The following AGMO variants were observed in gnomAD, a reference collection of about 807,000 sequenced individuals.
AGMO encodes glyceryl-ether monooxygenase.
In AGMO, 75 loss-of-function variants were observed where a neutral mutation model predicts 60.2. The ratio of observed to expected loss-of-function variants is 1.25; its 90% confidence interval spans 1.03 to 1.51. The LOEUF is 1.51. Ranked by LOEUF, AGMO falls within the 40% of genes most tolerant of loss-of-function variation. The probability of loss-of-function intolerance (pLI) is 0.00; values close to 1 mark genes in which losing one functional copy is unlikely to be tolerated. For synonymous variants in AGMO, 261 were observed against 177.1 expected, an observed-to-expected ratio of 1.47 and a Z score of -3.76; for missense variants, 763 against 525.5, an observed-to-expected ratio of 1.45 and a Z score of -4.42.
intron 5 of AGMO, among the ~76,000 whole-genome samples, chr7:15,411,919 G>GATAA (rs1331434509): frequency 2.0e-5 from 3 of 151,942 alleles, no homozygotes; most frequent in African/African-American, 7.2e-5. Context: ...TTGAAGATTA[G>GATAA]ATAAATACTC....
intron 12 of AGMO, among the ~76,000 whole-genome samples, chr7:15,208,014 G>C (rs1280214458): frequency 6.6e-6 from 1 of 152,102 alleles, no homozygotes; most frequent in Non-Finnish European, 1.5e-5. Context: ...AGAAAACTTA[G>C]AGACAACCAA....
intron 3 of AGMO, among the ~76,000 whole-genome samples, chr7:15,508,362 G>A (rs1025247148): frequency 2.6e-5 from 4 of 152,124 alleles, no homozygotes; most frequent in Admixed American, 2.0e-4. Flanking sequence ...ATGGATGCAA[G>A]TTGACATCTG....
chr7:15,354,309 T>TACGCGTGTATACACACGTATATAC (rs1782368790), intron 12 of AGMO, among the ~76,000 whole-genome samples: 1 of 67,298 alleles, frequency 1.5e-5, no homozygotes, highest in Non-Finnish European at 2.6e-5. Flanking sequence ...TATACGTGTA[T>TACGCGTGTATACACACGTATATAC]ACACGCGTGT....
At chr7:15,460,904 TTA>T (rs931213357) in intron 3 of AGMO, among the ~76,000 whole-genome samples, 7 of 152,170 alleles carry the variant, frequency 4.6e-5, no homozygotes, top group Non-Finnish European at 8.8e-5. Flanking sequence ...TAATGATAAA[TTA>T]TGATAGTTAT....
chr7:15,165,595 T>A, the AGMO span, among the ~76,000 whole-genome samples: 1 of 152,096 alleles, frequency 6.6e-6, no homozygotes, highest in Non-Finnish European at 1.5e-5. Flanking sequence ...AAAAACAAGC[T>A]CAAGAATTTT....
the AGMO span, among the ~76,000 whole-genome samples, chr7:15,164,246 G>C: frequency 6.6e-6 from 1 of 152,020 alleles, no homozygotes; most frequent in Non-Finnish European, 1.5e-5. Flanking sequence ...AATTAACTCA[G>C]ATGGGGTGGA....
intron 12 of AGMO, among the ~76,000 whole-genome samples, chr7:15,344,279 C>A (rs965390917): frequency 6.6e-6 from 1 of 152,114 alleles, no homozygotes; most frequent in African/African-American, 2.4e-5. Flanking sequence ...AATGTTTAGT[C>A]TTTTCTCCAA....
intron 2 of AGMO, among the ~76,000 whole-genome samples, chr7:15,559,121 A>G (rs1054149157): frequency 1.3e-5 from 2 of 152,108 alleles, no homozygotes; most frequent in Non-Finnish European, 2.9e-5. Flanking sequence ...TAGGTCATTT[A>G]TATCTTACTA....
intron 3 of AGMO, among the ~76,000 whole-genome samples, chr7:15,434,863 C>A (rs1397509472): frequency 6.7e-6 from 1 of 148,560 alleles, no homozygotes; most frequent in Non-Finnish European, 1.5e-5. Flanking sequence ...CTCACTCCCA[C>A]CCCCACCCCA....
At chr7:15,346,983 T>C (rs1021101324) in intron 12 of AGMO, among the ~76,000 whole-genome samples, 1 of 152,008 alleles carries the variant, frequency 6.6e-6, no homozygotes, top group African/African-American at 2.4e-5. Context: ...TTAAGATGAA[T>C]CAAACTTTAA....
At chr7:15,272,261 T>TAATGCTA (rs1389431640) in intron 12 of AGMO, among the ~76,000 whole-genome samples, 11 of 148,610 alleles carry the variant, frequency 7.4e-5, no homozygotes, top group South Asian at 4.5e-4. Flanking sequence ...GTATATCTCC[T>TAATGCTA]AATGCTATCC....
intron 3 of AGMO, among the ~76,000 whole-genome samples, chr7:15,503,627 C>T (rs1160175131): frequency 1.3e-5 from 2 of 152,000 alleles, no homozygotes; most frequent in Non-Finnish European, 2.9e-5. Context: ...TAACTGGCGT[C>T]CATTTGTCTG....
At chr7:15,207,716 C>T (rs1272633439) in intron 12 of AGMO, among the ~76,000 whole-genome samples, 3 of 152,146 alleles carry the variant, frequency 2.0e-5, no homozygotes, top group East Asian at 1.9e-4. Flanking sequence ...GGGCAGATCA[C>T]GAGGTCAGGA....
intron 3 of AGMO, among the ~76,000 whole-genome samples, chr7:15,498,097 G>A (rs956118588): frequency 6.6e-6 from 1 of 151,922 alleles, no homozygotes; most frequent in Non-Finnish European, 1.5e-5. Context: ...TATGTCAAAA[G>A]CTTATAACTT....
At chr7:15,390,929 T>G (rs772661176) in intron 6 of AGMO, 24 bp from the exon 7 acceptor site, 16 of 1,475,532 alleles carry the variant, frequency 1.1e-5, no homozygotes, top group Non-Finnish European at 1.2e-5. Flanking sequence ...TATTAGAAAT[T>G]TTTTTTCAGA....
At chr7:15,313,010 C>G (rs1052256959) in intron 12 of AGMO, among the ~76,000 whole-genome samples, 3 of 152,012 alleles carry the variant, frequency 2.0e-5, no homozygotes, top group Non-Finnish European at 4.4e-5. Context: ...GAAAAGTGAT[C>G]TAATATACAA....
chr7:15,506,589 T>C lies in AGMO; in HGVS notation c.409+38183A>G, dbSNP rs75723831. 3.4e-3 allele frequency among the ~76,000 whole-genome samples: 522 copies of C among 152,210 alleles called. 4 individuals are homozygous for C. Among genetic ancestry groups the C allele is most frequent in the African/African-American group, 0.012 (491 of 41,552 alleles). ...TCAGTATTTTCTTTTATATCTTTGTTTGTGTAACAAGAACAAAAATAAAGC... is the reference window on the plus strand; with the variant it reads ...TCAGTATTTTCTTTTATATCTTTGTCTGTGTAACAAGAACAAAAATAAAGC... On this transcript the variant is annotated intron_variant, in intron 3 of 12. Transcript: ENST00000342526.
intron 3 of AGMO, among the ~76,000 whole-genome samples, chr7:15,440,026 T>A (rs1781506910): frequency 6.6e-6 from 1 of 152,186 alleles, no homozygotes; most frequent in Non-Finnish European, 1.5e-5. Context: ...TCCCTTAGCC[T>A]GACTCAGGCA....
chr7:15,261,723 C>T (rs1783277127), intron 12 of AGMO, among the ~76,000 whole-genome samples: 1 of 151,874 alleles, frequency 6.6e-6, no homozygotes. Context: ...GACCAATAAC[C>T]CTGATGAACA....
Sources: allele counts gnomAD v4.1 joint callset (sites outside exome capture counted in the v4.1 genomes callset), GRCh38; gene constraint gnomAD v4.1.1; transcripts MANE v1.5; gene names NCBI Gene and HGNC (gene_info 2026-07-23, HGNC 2026-07-21).